ITPA: variants seen among roughly 807,000 people sequenced by gnomAD.
ITPA encodes inosine triphosphate pyrophosphatase.
A neutral mutation model predicts 29.6 loss-of-function variants in ITPA; 29 were observed. The ratio of observed to expected loss-of-function variants is 0.98; its 90% CI spans 0.73 to 1.34. ITPA has a LOEUF of 1.34. Ranked by LOEUF, ITPA falls within the 40% of genes most tolerant of loss-of-function variation. The pLI is 0.00. For synonymous variants in ITPA, 103 were observed against 99.3 expected (o/e 1.04, Z -0.22); for missense variants, 241 against 251.5 (o/e 0.96, Z 0.28).
chr20:3,218,779 C>T, intron 6 of ITPA, 147 bp downstream of exon 6: 2 of 699,952 alleles, frequency 2.9e-6, no homozygotes, highest in Admixed American at 2.0e-5. Flanking sequence ...CTCCCCTGCG[C>T]AGCATAGGTA....
chr20:3,208,709 C>G (rs1016551622), upstream of ITPA, among the ~76,000 whole-genome samples: 10 of 152,172 alleles, frequency 6.6e-5, no homozygotes, highest in African/African-American at 2.2e-4. Flanking sequence ...GCCTGAGGAG[C>G]TTGGTAAGAA....
At chr20:3,221,167 C>T (rs955505179) in intron 6 of ITPA, among the ~76,000 whole-genome samples, 1 of 151,876 alleles carries the variant, frequency 6.6e-6, no homozygotes, top group Admixed American at 6.6e-5. Flanking sequence ...CCTGGGATTA[C>T]AGGCATGAGC....
chr20:3,218,946 T>C (rs1257811041), intron 6 of ITPA: 3 of 436,080 alleles, frequency 6.9e-6, no homozygotes, highest in Admixed American at 3.5e-5. Context: ...AGGGAAACAG[T>C]TGGCTAACAG....
upstream of ITPA, among the ~76,000 whole-genome samples, chr20:3,207,525 C>T (rs1364216166): frequency 2.6e-5 from 4 of 152,048 alleles, no homozygotes; most frequent in Admixed American, 2.6e-4. Flanking sequence ...GAAACCCCAC[C>T]TCTACTAAAA....
chr20:3,218,537 G>A lies in ITPA; in HGVS notation c.316G>A (p.Gly106Arg), dbSNP rs202194282. 4.3e-6 allele frequency: 7 copies of A among 1,613,858 alleles called. No individual in the cohort carries two copies. Among genetic ancestry groups the A allele is most frequent in the South Asian group, 2.2e-5 (2 of 91,080 alleles). Residue 106 changes from glycine (G) to arginine (R), a missense_variant, in exon 6 of 8, where the codon GGG becomes AGG. Physicochemically the swap from Gly to Arg is moderately radical, Grantham distance 125. Transcript: ENST00000380113. Reference sequence around the variant, plus strand: ...CGCAGGTCTCCACCAGCTCCTGGCCGGGTTCGAGGACAAGTCAGCCTATGC... The same window carrying A: ...CGCAGGTCTCCACCAGCTCCTGGCCAGGTTCGAGGACAAGTCAGCCTATGC... ...KPEGLHQLLA[G>R]FEDKSAYALC...
intron 1 of ITPA, among the ~76,000 whole-genome samples, chr20:3,211,251 C>T (rs2067166716): frequency 6.7e-6 from 1 of 149,990 alleles, no homozygotes; most frequent in Non-Finnish European, 1.5e-5. Flanking sequence ...CTGCAACCTC[C>T]GCCTCCTGGG....
Position 3,209,918 on chromosome 20 carries a change from A to ACTCTTCT in ITPA, c.66+301_66+302insCTCTTCT, listed in dbSNP as rs2067134123. Among the ~76,000 whole-genome samples the ACTCTTCT allele has an allele frequency of 6.6e-6, 1 of 152,078 alleles. No individual in the cohort carries two copies. Among genetic ancestry groups the ACTCTTCT allele is most frequent in the African/African-American group, 2.4e-5 (1 of 41,408 alleles). On this transcript the variant is annotated intron_variant, in intron 1 of 7. Transcript: ENST00000380113. This position sits in a 1 kb window ranked among gnomAD's most constrained non-coding sequence, Gnocchi z 4.6. ...GCGGGGCTCTTAACAACCGCCCCGA[A>ACTCTTCT]GGTCACCTATTGAAGTAGACCCCAA...
chr20:3,223,281 C>T (rs2067512817), intron 7 of ITPA, 85 bp from the exon 8 acceptor site: 1 of 997,640 alleles, frequency 1.0e-6, no homozygotes, highest in African/African-American at 1.6e-5. Flanking sequence ...GCTTTGGTCT[C>T]CAGGGATGAG....
chr20:3,208,893 C>T (rs972323041), upstream of ITPA: 1 of 154,700 alleles, frequency 6.5e-6, no homozygotes, highest in Non-Finnish European at 1.4e-5. Context: ...GAGGGCACTT[C>T]CTACTTTCTG....
chr20:3,223,946 AG>A, downstream of ITPA: 1 of 203,764 alleles, frequency 4.9e-6, no homozygotes, highest in South Asian at 8.7e-5. Flanking sequence ...GGACACGGGC[AG>A]CACCGTGTGG....
chr20:3,204,608 T>C (rs1165010230), upstream of ITPA: 1 of 1,590,174 alleles, frequency 6.3e-7, no homozygotes, highest in African/African-American at 1.3e-5. Flanking sequence ...CGCTACCAAG[T>C]ACCACACAGG....
At chr20:3,211,223 T>C (rs1467034611) in intron 1 of ITPA, among the ~76,000 whole-genome samples, 1 of 149,982 alleles carries the variant, frequency 6.7e-6, no homozygotes. Flanking sequence ...TGGAGTGCAG[T>C]GGTGCGATCT....
intron 4 of ITPA, among the ~76,000 whole-genome samples, chr20:3,214,871 G>A (rs370558321): frequency 7.9e-5 from 12 of 151,596 alleles, no homozygotes; most frequent in African/African-American, 2.2e-4. Flanking sequence ...GAGCCACCGC[G>A]CCCGGCCTGT....
At chr20:3,211,065 TAAAAA>T (rs1197439578) in intron 1 of ITPA, among the ~76,000 whole-genome samples, 3 of 112,910 alleles carry the variant, frequency 2.7e-5, no homozygotes, top group South Asian at 2.7e-4. Flanking sequence ...CTGTCTCAAA[TAAAAA>T]AAAAAAAAGA....
At chr20:3,215,061 T>A (rs1025020492) in intron 4 of ITPA, among the ~76,000 whole-genome samples, 1 of 151,276 alleles carries the variant, frequency 6.6e-6, no homozygotes, top group Non-Finnish European at 1.5e-5. Flanking sequence ...GAGATAGGAT[T>A]TTGCTACGTT....
At chr20:3,225,799 C>T (rs1416209357), downstream of ITPA, among the ~76,000 whole-genome samples, 11 of 152,136 alleles carry the variant, frequency 7.2e-5, no homozygotes, top group African/African-American at 2.4e-4. Flanking sequence ...GAGGCCAAGG[C>T]AGGCAGATCA....
At chr20:3,220,043 CAA>C (rs745545920) in intron 6 of ITPA, among the ~76,000 whole-genome samples, 10,509 of 57,902 alleles carry the variant, frequency 0.18, 431 homozygotes, top group Non-Finnish European at 0.25. Context: ...GACCCAGTCT[CAA>C]AAAAAAAAAA....
At chr20:3,207,395 T>C (rs1377051594), upstream of ITPA, among the ~76,000 whole-genome samples, 1 of 152,126 alleles carries the variant, frequency 6.6e-6, no homozygotes, top group Non-Finnish European at 1.5e-5. Context: ...GAGCTGGGAT[T>C]TAAGAATGAG....
upstream of ITPA, among the ~76,000 whole-genome samples, chr20:3,207,751 C>T (rs1487204592): frequency 1.3e-5 from 2 of 150,402 alleles, no homozygotes; most frequent in East Asian, 2.0e-4. Context: ...AATCCCAGCA[C>T]TTAGGGAGGC....
Sources: allele counts gnomAD v4.1 joint callset (sites outside exome capture counted in the v4.1 genomes callset), GRCh38; gene constraint gnomAD v4.1.1; non-coding constraint Gnocchi (gnomAD v3.1); transcripts MANE v1.5; gene names NCBI Gene and HGNC (gene_info 2026-07-23, HGNC 2026-07-21).